Variants in ABRAXAS2 observed in about 807,000 individuals in gnomAD.
The protein encoded by ABRAXAS2 is BRISC complex subunit Abraxas 2.
ABRAXAS2 carries 23 observed loss-of-function variants against 49.0 expected under a neutral mutation model. The ratio of observed to expected loss-of-function variants is 0.47; its 90% CI spans 0.34 to 0.66. The LOEUF (loss-of-function observed/expected upper bound fraction) is 0.66. Ranked by LOEUF, ABRAXAS2 falls within the 30% of genes least tolerant of loss-of-function variation. ABRAXAS2 has a pLI of 0.01. For missense variants in ABRAXAS2, 443 were observed against 511.9 expected, an observed-to-expected ratio of 0.87 and a Z score of 1.30; for synonymous variants, 168 against 180.2, an observed-to-expected ratio of 0.93 and a Z score of 0.54.
intron 1 of ABRAXAS2, among the ~76,000 whole-genome samples, chr10:124,802,380 G>A (rs1435926877): frequency 6.6e-6 from 1 of 152,250 alleles, no homozygotes; most frequent in Non-Finnish European, 1.5e-5. Flanking sequence ...TGTCACTACT[G>A]ATACTTGTTA....
chr10:124,818,417 G>C (rs941888795), intron 3 of ABRAXAS2, among the ~76,000 whole-genome samples: 2 of 146,374 alleles, frequency 1.4e-5, no homozygotes, highest in Admixed American at 1.4e-4. Flanking sequence ...AAAAAAAAAA[G>C]ATTAGACTCA....
intron 1 of ABRAXAS2, among the ~76,000 whole-genome samples, chr10:124,806,252 G>C (rs775930625): frequency 1.3e-5 from 2 of 151,254 alleles, no homozygotes; most frequent in Non-Finnish European, 2.9e-5. Flanking sequence ...CTTGCAGTTA[G>C]CAGAGATCGC....
chr10:124,836,205 TGTA>T lies in ABRAXAS2; in HGVS notation c.*1235_*1237del, dbSNP rs1440119011. ...CCTTCCCTTTGAACTAGTTAAAATCTGTAAGAATAAGGAAGTTGTTGAAGGCTT... is the reference window on the plus strand; with the variant it reads ...CCTTCCCTTTGAACTAGTTAAAATCTAGAATAAGGAAGTTGTTGAAGGCTT... On this transcript the variant is annotated 3_prime_UTR_variant, in exon 9 of 9. Coordinates refer to ENST00000298492, the MANE Select transcript of ABRAXAS2 (RefSeq NM_032182.4). 1 of 152,640 alleles carries T rather than the reference TGTA, an allele frequency of 6.6e-6. No homozygotes were observed. The highest frequency in any genetic ancestry group is 1.5e-5 in the Non-Finnish European group (1 of 68,040). The allele number at this position is 152,640 out of a possible 1,614,324, so 9.5% of individuals were successfully genotyped here.
At chr10:124,818,157 G>A (rs974140397) in intron 3 of ABRAXAS2, among the ~76,000 whole-genome samples, 2 of 152,160 alleles carry the variant, frequency 1.3e-5, no homozygotes. Flanking sequence ...AGCACTTTGG[G>A]AGGCCAAAGC....
intron 2 of ABRAXAS2, among the ~76,000 whole-genome samples, chr10:124,813,353 T>C (rs1411085046): frequency 1.3e-5 from 2 of 152,170 alleles, no homozygotes; most frequent in East Asian, 3.8e-4. Flanking sequence ...GCAACAGAAG[T>C]GTCCTTAGTT....
intron 2 of ABRAXAS2, among the ~76,000 whole-genome samples, chr10:124,813,733 G>C (rs1212421748): frequency 6.6e-6 from 1 of 152,150 alleles, no homozygotes; most frequent in Non-Finnish European, 1.5e-5. Flanking sequence ...CCTTCAAAAA[G>C]TACCACACAG....
intron 8 of ABRAXAS2, among the ~76,000 whole-genome samples, chr10:124,832,069 G>A (rs1016191792): frequency 8.6e-5 from 13 of 151,794 alleles, no homozygotes; most frequent in Admixed American, 8.6e-4. Context: ...GTTTCACCAT[G>A]TTGGCCAGGC....
chr10:124,833,759 A>C (rs1013689917), intron 8 of ABRAXAS2, among the ~76,000 whole-genome samples: 1 of 151,996 alleles, frequency 6.6e-6, no homozygotes, highest in African/African-American at 2.4e-5. Flanking sequence ...AGTGTGTATC[A>C]GTTTTATAAT....
chr10:124,806,132 C>T (rs1950741237), intron 1 of ABRAXAS2, among the ~76,000 whole-genome samples: 1 of 151,478 alleles, frequency 6.6e-6, no homozygotes, highest in Non-Finnish European at 1.5e-5. Context: ...AACCCCGTCT[C>T]TACTAAAATA....
At chr10:124,833,562 A>C (rs1950948555) in intron 8 of ABRAXAS2, among the ~76,000 whole-genome samples, 1 of 152,190 alleles carries the variant, frequency 6.6e-6, no homozygotes, top group Non-Finnish European at 1.5e-5. Flanking sequence ...TGGATAATAA[A>C]ACTGGAGTTC....
chr10:124,819,268 CCT>C, intron 3 of ABRAXAS2, 114 bp from the exon 4 acceptor site: 1 of 760,942 alleles, frequency 1.3e-6, no homozygotes, highest in South Asian at 1.6e-5. Context: ...CCTGTGTAAA[CCT>C]GTGTAAGGTG....
chr10:124,812,281 G>A (rs1038401846), intron 2 of ABRAXAS2, among the ~76,000 whole-genome samples: 8 of 152,164 alleles, frequency 5.3e-5, no homozygotes, highest in African/African-American at 1.9e-4. Context: ...TCATTGAAAC[G>A]ATTATGGACC....
intron 8 of ABRAXAS2, among the ~76,000 whole-genome samples, chr10:124,832,397 A>G (rs1199958387): frequency 6.6e-6 from 1 of 152,314 alleles, no homozygotes. Flanking sequence ...AAATTTATAA[A>G]TGTATGGCAG....
intron 7 of ABRAXAS2, among the ~76,000 whole-genome samples, chr10:124,830,060 A>G (rs1950921364): frequency 6.6e-6 from 1 of 152,190 alleles, no homozygotes; most frequent in Non-Finnish European, 1.5e-5. Flanking sequence ...ACCTAAGAAC[A>G]AAAGAGCGTT....
intron 1 of ABRAXAS2, among the ~76,000 whole-genome samples, chr10:124,805,731 G>T (rs1367281812): frequency 6.6e-6 from 1 of 152,182 alleles, no homozygotes; most frequent in Non-Finnish European, 1.5e-5. Flanking sequence ...CATTAAGTTG[G>T]TCAGGCAAGG....
intron 3 of ABRAXAS2, among the ~76,000 whole-genome samples, chr10:124,817,441 C>T (rs1190777865): frequency 6.6e-6 from 1 of 152,148 alleles, no homozygotes. Context: ...TCTTTCTCAG[C>T]CCCAAACCCT....
chr10:124,808,990 G>C (rs931049478), intron 2 of ABRAXAS2, among the ~76,000 whole-genome samples: 1 of 152,068 alleles, frequency 6.6e-6, no homozygotes, highest in African/African-American at 2.4e-5. Flanking sequence ...AATTAGCCGG[G>C]TGTGGTGGCA....
At position 124,829,609 on chromosome 10, in the gene ABRAXAS2, A is replaced by G. The variant is rs1278908645; in HGVS notation, c.663+132A>G. 6.5e-6 allele frequency: 4 copies of G among 615,284 alleles called. No individual in the cohort carries two copies. In the East Asian group the frequency reaches 1.2e-4, roughly 18 times the overall value. 38.1% of individuals were successfully genotyped at this position (615,284 alleles called of 1,614,324 possible). A position where few individuals can be genotyped will look rare whatever the true frequency, so the allele number is the denominator to read the frequency against. Reference sequence around the variant, plus strand: ...GAAAGTCAGAATCTGCTTTCCCAGAACAGAGTCAAGCTGTGGAATAATGAT... The same window carrying G: ...GAAAGTCAGAATCTGCTTTCCCAGAGCAGAGTCAAGCTGTGGAATAATGAT... On this transcript the variant is annotated intron_variant, in intron 7 of 8. Transcript: ENST00000298492.
In ABRAXAS2 at chr10:124,801,920, G is replaced by C. The variant is rs1434461514; in HGVS notation, c.72+19G>C. 1 of 1,610,322 alleles carries C rather than the reference G, an allele frequency of 6.2e-7. No individual in the cohort carries two copies. Among genetic ancestry groups the C allele is most frequent in the Non-Finnish European group, 8.5e-7 (1 of 1,178,468 alleles). On this transcript the variant is annotated intron_variant, in intron 1 of 8. Transcript: ENST00000298492. ...GGACCACGTAGGTGCCGGGCCCCCT[G>C]CCGCGCCCGCTGGGGGCTTTCAGCC...
Sources: gnomAD v4.1 joint callset for allele counts (sites outside exome capture counted in the v4.1 genomes callset) on GRCh38, gnomAD v4.1.1 for gene constraint, MANE v1.5 for transcripts, NCBI Gene and HGNC (gene_info 2026-07-23, HGNC 2026-07-21) for gene names.